ERGIC1: variants seen among roughly 807,000 people sequenced by gnomAD.
ERGIC1 encodes endoplasmic reticulum-Golgi intermediate compartment protein 1.
A neutral mutation model predicts 38.3 loss-of-function variants in ERGIC1; 19 were observed. The ratio of observed to expected loss-of-function variants is 0.50; its 90% CI spans 0.35 to 0.73. The LOEUF is 0.73. Ranked by LOEUF, ERGIC1 falls within the 30% of genes least tolerant of loss-of-function variation. ERGIC1 has a pLI of 0.01. For synonymous variants in ERGIC1, 124 were observed against 157.6 expected (o/e 0.79, Z 1.60); for missense variants, 294 against 389.2 (o/e 0.76, Z 2.06).
intron 7 of ERGIC1, among the ~76,000 whole-genome samples, chr5:172,928,537 A>G (rs1763705066): frequency 6.6e-6 from 1 of 152,216 alleles, no homozygotes; most frequent in Non-Finnish European, 1.5e-5. Context: ...TCTTCCTAGC[A>G]TAGACCACTC....
chr5:172,942,835 A>G (rs964689381), intron 9 of ERGIC1, among the ~76,000 whole-genome samples: 1 of 152,216 alleles, frequency 6.6e-6, no homozygotes, highest in African/African-American at 2.4e-5. Context: ...TTATAGTTGC[A>G]GAGCTTCTGA....
chr5:172,862,216 G>C (rs1264050773), intron 1 of ERGIC1, among the ~76,000 whole-genome samples: 1 of 131,256 alleles, frequency 7.6e-6, no homozygotes, highest in African/African-American at 2.8e-5. Flanking sequence ...GTGACCTCCT[G>C]ACCTCAAATG....
At chr5:172,908,340 GGGA>G in intron 3 of ERGIC1, among the ~76,000 whole-genome samples, 1 of 50,556 alleles carries the variant, frequency 2.0e-5, no homozygotes, top group African/African-American at 7.8e-5. Context: ...GGGGGGAGGG[GGGA>G]GGGGGGGGGT....
intron 2 of ERGIC1, 136 bp downstream of exon 2, chr5:172,888,896 G>A (rs1762488053): frequency 1.2e-6 from 1 of 836,066 alleles, no homozygotes; most frequent in Non-Finnish European, 2.0e-6. Context: ...GCATCTTGCG[G>A]GGGCCCTTCA....
chr5:172,835,064 T>G (rs1249383768), intron 1 of ERGIC1, among the ~76,000 whole-genome samples: 1 of 152,216 alleles, frequency 6.6e-6, no homozygotes, highest in African/African-American at 2.4e-5. Flanking sequence ...GGTCTGGCCT[T>G]GGCTTTCTGC....
At chr5:172,861,772 G>A (rs1181520125) in intron 1 of ERGIC1, among the ~76,000 whole-genome samples, 2 of 152,114 alleles carry the variant, frequency 1.3e-5, no homozygotes, top group East Asian at 3.9e-4. Context: ...GGATAGCCTG[G>A]TGCTCCCCAG....
intron 1 of ERGIC1, among the ~76,000 whole-genome samples, chr5:172,857,468 T>C (rs2113076341): frequency 6.6e-6 from 1 of 152,256 alleles, no homozygotes; most frequent in African/African-American, 2.4e-5. Context: ...CACTGCCTTG[T>C]GTGCAGCAAT....
At chr5:172,915,081 G>T (rs573326018) in intron 5 of ERGIC1, 6 of 719,092 alleles carry the variant, frequency 8.3e-6, no homozygotes, top group Non-Finnish European at 1.5e-5. Context: ...TCCAGTGAGG[G>T]GGACAATGAT....
intron 1 of ERGIC1, among the ~76,000 whole-genome samples, chr5:172,862,440 G>A (rs1761737701): frequency 6.6e-6 from 1 of 151,502 alleles, no homozygotes; most frequent in South Asian, 2.1e-4. Flanking sequence ...TTTATAGAAA[G>A]GCCCAGTGGT....
At chr5:172,868,269 G>A (rs1320922574) in intron 1 of ERGIC1, among the ~76,000 whole-genome samples, 1 of 152,182 alleles carries the variant, frequency 6.6e-6, no homozygotes, top group Non-Finnish European at 1.5e-5. Flanking sequence ...CCAAAGTCAT[G>A]CAGCTAATGC....
At chr5:172,853,172 T>C (rs539190351) in intron 1 of ERGIC1, among the ~76,000 whole-genome samples, 2 of 152,344 alleles carry the variant, frequency 1.3e-5, no homozygotes, top group South Asian at 2.1e-4. Flanking sequence ...GGAAAGGTAT[T>C]GCGCAGGATG....
At chr5:172,877,074 A>G (rs763438666) in intron 1 of ERGIC1, among the ~76,000 whole-genome samples, 6 of 152,130 alleles carry the variant, frequency 3.9e-5, no homozygotes, top group Non-Finnish European at 7.4e-5. Flanking sequence ...TTTCCTCTAG[A>G]AGGTTTATAG....
intron 1 of ERGIC1, chr5:172,866,840 G>T (rs933066304): frequency 2.7e-4 from 83 of 302,492 alleles, no homozygotes; most frequent in Non-Finnish European, 7.8e-5. Flanking sequence ...CATTCTCAGT[G>T]GAGGTTTTCT....
At chr5:172,836,146 G>T (rs1290413086) in intron 1 of ERGIC1, among the ~76,000 whole-genome samples, 1 of 152,208 alleles carries the variant, frequency 6.6e-6, no homozygotes, top group Non-Finnish European at 1.5e-5. Flanking sequence ...CAGGGATGAG[G>T]GCCTTATCTT....
intron 4 of ERGIC1, 21 bp from the exon 5 acceptor site, chr5:172,914,693 G>A (rs748974914): frequency 4.3e-6 from 7 of 1,613,932 alleles, no homozygotes; most frequent in Non-Finnish European, 5.1e-6. Context: ...TGTGACTGTT[G>A]TCTCCCTTTG....
chr5:172,859,741 C>G (rs1463419489), intron 1 of ERGIC1, among the ~76,000 whole-genome samples: 1 of 152,210 alleles, frequency 6.6e-6, no homozygotes, highest in African/African-American at 2.4e-5. Flanking sequence ...CGCAGGTGCC[C>G]TTGGACAGGG....
At chr5:172,879,281 G>C (rs915567097) in intron 1 of ERGIC1, among the ~76,000 whole-genome samples, 2 of 152,256 alleles carry the variant, frequency 1.3e-5, no homozygotes, top group African/African-American at 4.8e-5. Context: ...AGCAGGGGAA[G>C]ACGTGTTTAT....
chr5:172,897,443 A>AAGAGAG (rs71579705), intron 3 of ERGIC1, among the ~76,000 whole-genome samples: 1 of 142,414 alleles, frequency 7.0e-6, no homozygotes. Flanking sequence ...AAAAAAAAAA[A>AAGAGAG]AGAGAGAGAG....
chr5:172,924,071 C>T lies in ERGIC1; in HGVS notation c.442C>T (p.His148Tyr). 2.5e-6 allele frequency: 4 copies of T among 1,614,226 alleles called. No individual in the cohort carries two copies. The highest frequency in any genetic ancestry group is 3.4e-6 in the Non-Finnish European group (4 of 1,180,054). The change falls in exon 6 of 10, where the codon CAT becomes TAT. Residue 148 changes from histidine to tyrosine, a missense_variant. His to Tyr is a moderately conservative substitution (Grantham distance 83). Coordinates refer to ENST00000393784, the MANE Select transcript of ERGIC1 (RefSeq NM_001031711.3). ...TAQPQNPDMTHVIHKLSFGDT... is the reference protein window; with the variant it reads ...TAQPQNPDMTYVIHKLSFGDT... ...CCAGCCACAGAACCCAGACATGACG[C>T]ATGTCATCCACAAGCTCTCCTTTGG...
Sources: allele counts gnomAD v4.1 joint callset (sites outside exome capture counted in the v4.1 genomes callset), GRCh38; gene constraint gnomAD v4.1.1; transcripts MANE v1.5; gene names NCBI Gene and HGNC (gene_info 2026-07-23, HGNC 2026-07-21).